C9orf57: variants seen among roughly 807,000 people sequenced by gnomAD.
C9orf57 encodes chromosome 9 open reading frame 57, also known as uncharacterized protein C9orf57.
In C9orf57, 12 loss-of-function variants were observed where a neutral mutation model predicts 12.9. The ratio of observed to expected loss-of-function variants is 0.93; its 90% CI spans 0.60 to 1.51. The LOEUF (loss-of-function observed/expected upper bound fraction) is 1.51. Ranked by LOEUF, C9orf57 falls within the 40% of genes most tolerant of loss-of-function variation. C9orf57 has a pLI of 0.00. For missense variants in C9orf57, 141 were observed against 162.8 expected, an observed-to-expected ratio of 0.87 and a Z score of 0.73; for synonymous variants, 49 against 57.1, an observed-to-expected ratio of 0.86 and a Z score of 0.64.
At position 72,052,270 on chromosome 9, in the gene C9orf57, A is replaced by C. The variant is rs938585064; in HGVS notation, c.*26T>G. 8 of 1,550,502 alleles carry C rather than the reference A, an allele frequency of 5.2e-6. No homozygotes were observed. Among genetic ancestry groups the C allele is most frequent in the Non-Finnish European group, 7.0e-6 (8 of 1,146,630 alleles). On this transcript the variant is annotated 3_prime_UTR_variant, in exon 5 of 5. Transcript: ENST00000651200. ...AGGCTTCGAGACTGATTGATCTGCC[A>C]AGCATTTTAGATATGGGCCACTGAC...
chr9:72,059,250 A>ACACC lies in C9orf57; in HGVS notation c.81_82insGGTG (p.Phe28GlyfsTer7). On this transcript the variant is annotated frameshift_variant, in exon 2 of 5. Coordinates refer to ENST00000651200, the MANE Select transcript of C9orf57 (RefSeq NM_001128618.2). LOFTEE classifies it high-confidence loss of function. ...AATGACTTACCACCTAAGCGGCCGA[A>ACACC]TAAGATAACACCTAAGAGGCGGAAT... 1.3e-6 allele frequency: 2 copies of ACACC among 1,551,026 alleles called. No individual in the cohort carries two copies. The highest frequency in any genetic ancestry group is 1.7e-6 in the Non-Finnish European group (2 of 1,146,868).
chr9:72,054,191 G>T (rs1017346508), intron 4 of C9orf57, among the ~76,000 whole-genome samples: 2 of 152,160 alleles, frequency 1.3e-5, no homozygotes, highest in Admixed American at 1.3e-4. Context: ...AGAGATGGGA[G>T]TTCTCCATGT....
chr9:72,060,495 A>G lies in C9orf57; in HGVS notation c.-54+2T>C. 2 of 1,384,018 alleles carry G rather than the reference A, an allele frequency of 1.4e-6. No individual in the cohort carries two copies. The highest frequency in any genetic ancestry group is 2.0e-6 in the Non-Finnish European group (2 of 994,546). 85.7% of individuals were successfully genotyped at this position (1,384,018 alleles called of 1,614,324 possible). A position where few individuals can be genotyped will look rare whatever the true frequency, so the allele number is the denominator to read the frequency against. On this transcript the variant is annotated splice_donor_variant, in intron 1 of 4. Transcript: ENST00000651200. LOFTEE classifies it low-confidence loss of function (5UTR_SPLICE). ...ATAATATTTCAGTTGTTCATGACCT[A>G]CCTATCTTTTTCATTAAGGTACTAT... is the stretch of plus-strand genomic sequence containing the variant.
At position 72,052,407 on chromosome 9, in the gene C9orf57, G is replaced by A; in HGVS notation, c.309C>T (p.Gly103=). Residue 103 remains glycine (G), a synonymous_variant, in exon 5 of 5, where the codon GGC becomes GGT. Transcript: ENST00000651200. ...QGGIQWYSVK[G]CTKNTSECFK... ...AGCACTCTGATGTGTTCTTTGTGCA[G>A]CCTTTGACTGAATACCATTGAATGC... is the stretch of plus-strand genomic sequence containing the variant. The A allele has an allele frequency of 6.4e-7, 1 of 1,552,184 alleles. No homozygotes were observed. The highest frequency in any genetic ancestry group is 2.4e-5 in the East Asian group (1 of 40,912).
intron 2 of C9orf57, 57 bp from the exon 3 acceptor site, chr9:72,056,900 T>C: frequency 7.3e-7 from 1 of 1,365,682 alleles, no homozygotes; most frequent in Non-Finnish European, 1.0e-6. Flanking sequence ...AATGTATACA[T>C]ATATATGTAT....
Position 72,055,398 on chromosome 9 carries a change from T to C in C9orf57, c.280+676A>G, listed in dbSNP as rs1470035783. On this transcript the variant is annotated intron_variant, in intron 4 of 4. Coordinates refer to ENST00000651200, the MANE Select transcript of C9orf57 (RefSeq NM_001128618.2). ...CCTCCTTCCTTCCTTCCTTCCTTCC[T>C]TCCTTCCTTCCTTCCTTCCTTCCTT... Among the ~76,000 whole-genome samples, 756 of 91,356 alleles carry C rather than the reference T, an allele frequency of 8.3e-3. 55 individuals are homozygous for C. The highest frequency in any genetic ancestry group is 0.029 in the African/African-American group (602 of 20,958). The allele number at this position is 91,356 out of a possible 152,430, so 59.9% of individuals were successfully genotyped here.
intron 1 of C9orf57, among the ~76,000 whole-genome samples, chr9:72,060,045 A>G (rs1824297689): frequency 6.9e-6 from 1 of 145,002 alleles, no homozygotes; most frequent in Admixed American, 6.7e-5. Flanking sequence ...TTTATGAATT[A>G]TTATTATTAT....
chr9:72,057,319 G>A (rs1381364063), intron 2 of C9orf57, among the ~76,000 whole-genome samples: 1 of 151,934 alleles, frequency 6.6e-6, no homozygotes, highest in Non-Finnish European at 1.5e-5. Context: ...TCCACCTCCC[G>A]GGTTCAAGCG....
At chr9:72,059,212 C>T (rs1358891126) in intron 2 of C9orf57, 23 bp downstream of exon 2, 1 of 1,551,210 alleles carries the variant, frequency 6.4e-7, no homozygotes, top group African/African-American at 1.4e-5. Flanking sequence ...ATCCTTTTAA[C>T]TTATGCTTTC....
Position 72,052,242 on chromosome 9 carries a change from G to A in C9orf57, c.*54C>T. 1 of 1,533,222 alleles carries A rather than the reference G, an allele frequency of 6.5e-7. No homozygotes were observed. The highest frequency in any genetic ancestry group is 8.8e-7 in the Non-Finnish European group (1 of 1,136,730). The allele number at this position is 1,533,222 out of a possible 1,614,324, so 95.0% of individuals were successfully genotyped here. ...ATAGCCATCATTTTGTGATAGCCAG[G>A]TCAGGCTTCGAGACTGATTGATCTG... On this transcript the variant is annotated 3_prime_UTR_variant, in exon 5 of 5. Transcript: ENST00000651200.
At chr9:72,058,203 C>T (rs1030675976) in intron 2 of C9orf57, among the ~76,000 whole-genome samples, 1 of 152,028 alleles carries the variant, frequency 6.6e-6, no homozygotes, top group African/African-American at 2.4e-5. Flanking sequence ...CTCTTTTGTC[C>T]AGGTTGGAGT....
In C9orf57 at chr9:72,059,367, G is replaced by T. The variant is rs1824280423; in HGVS notation, c.-36C>A. The T allele has an allele frequency of 6.4e-7, 1 of 1,551,884 alleles. No individual in the cohort carries two copies. The stretch of plus-strand genomic sequence containing the variant: ...AAGCCGAAAAGGAGATGAAAGGAAA[G>T]ACACGTCCCACTGATTTCTGGGGAA... On this transcript the variant is annotated 5_prime_UTR_variant, in exon 2 of 5. Coordinates refer to ENST00000651200, the MANE Select transcript of C9orf57 (RefSeq NM_001128618.2).
Position 72,060,537 on chromosome 9 carries a change from C to G in C9orf57, c.-94G>C, listed in dbSNP as rs1824314750. The G allele has an allele frequency of 6.5e-7, 1 of 1,548,836 alleles. No homozygotes were observed. Among genetic ancestry groups the G allele is most frequent in the Non-Finnish European group, 8.7e-7 (1 of 1,144,854 alleles). On this transcript the variant is annotated 5_prime_UTR_variant, in exon 1 of 5. Coordinates refer to ENST00000651200, the MANE Select transcript of C9orf57 (RefSeq NM_001128618.2). ...AGGTACTATGGAAATTTTCCTGGGT[C>G]TGAACTTTCTTAAAAGGATGAGAAC...
At chr9:72,055,635 T>C (rs932440517) in intron 4 of C9orf57, among the ~76,000 whole-genome samples, 3 of 152,078 alleles carry the variant, frequency 2.0e-5, no homozygotes, top group Non-Finnish European at 4.4e-5. Context: ...AGTATTTTCT[T>C]CCAATGTTTC....
At position 72,052,089 on chromosome 9, in the gene C9orf57, G is replaced by A; in HGVS notation, c.*207C>T. ...GGAGAGGAGAGAAATGGTGTTGAAA[G>A]GGCTATTTCTCAGATGAGTTGGAGG... On this transcript the variant is annotated 3_prime_UTR_variant, in exon 5 of 5. Coordinates refer to ENST00000651200, the MANE Select transcript of C9orf57 (RefSeq NM_001128618.2). 1.9e-6 allele frequency: 1 copy of A among 514,782 alleles called. No individual in the cohort carries two copies. The highest frequency in any genetic ancestry group is 3.4e-6 in the Non-Finnish European group (1 of 293,374). 31.9% of individuals were successfully genotyped at this position (514,782 alleles called of 1,614,324 possible).
intron 2 of C9orf57, among the ~76,000 whole-genome samples, chr9:72,057,064 C>T (rs566135123): frequency 6.6e-6 from 1 of 151,788 alleles, no homozygotes; most frequent in South Asian, 2.1e-4. Context: ...CAGGCACACA[C>T]CCACCGTGTC....
chr9:72,059,169 A>C lies in C9orf57; in HGVS notation c.97+66T>G. On this transcript the variant is annotated intron_variant, in intron 2 of 4. Coordinates refer to ENST00000651200, the MANE Select transcript of C9orf57 (RefSeq NM_001128618.2). ...GCTGGGATTACAGGCGTGAGCCGCC[A>C]CGCTCGGCCCTACAATTTCTTAATA... The C allele has an allele frequency of 2.6e-6, 4 of 1,539,964 alleles. No homozygotes were observed. The South Asian group carries it at 4.8e-5, about 19-fold the overall frequency.
At chr9:72,056,266 A>T in intron 3 of C9orf57, 70 bp from the exon 4 acceptor site, 1 of 1,306,752 alleles carries the variant, frequency 7.7e-7, no homozygotes, top group Non-Finnish European at 1.0e-6. Context: ...GAAGGAAGAG[A>T]GATCAAAAAA....
At chr9:72,056,008 G>A in intron 4 of C9orf57, 66 bp downstream of exon 4, 2 of 1,475,210 alleles carry the variant, frequency 1.4e-6, no homozygotes, top group Non-Finnish European at 1.8e-6. Context: ...GTATATGAAA[G>A]TTTGTTGTGA....
Sources: allele counts gnomAD v4.1 joint callset (sites outside exome capture counted in the v4.1 genomes callset), GRCh38; gene constraint gnomAD v4.1.1; transcripts MANE v1.5; gene names NCBI Gene and HGNC (gene_info 2026-07-23, HGNC 2026-07-21).